Variants in HBS1L observed in about 807,000 individuals in gnomAD.
HBS1L encodes HBS1 like translational GTPase.
A neutral mutation model predicts 88.9 loss-of-function variants in HBS1L; 55 were observed. The observed-to-expected ratio is 0.62, with a 90% CI of 0.50 to 0.77. HBS1L has a LOEUF of 0.77. Ranked by LOEUF, HBS1L falls within the 30% of genes least tolerant of loss-of-function variation. The pLI, the probability that HBS1L is intolerant of heterozygous loss-of-function variation, is 0.00. For missense variants in HBS1L, 741 were observed against 829.3 expected (o/e 0.89, Z 1.31); for synonymous variants, 267 against 288.5 (o/e 0.93, Z 0.76).
chr6:134,968,781 T>C (rs1486316027), intron 16 of HBS1L, among the ~76,000 whole-genome samples: 1 of 148,906 alleles, frequency 6.7e-6, no homozygotes, highest in African/African-American at 2.5e-5. Flanking sequence ...ACTTTCCAGA[T>C]GGGAAAAGAG....
chr6:135,054,818 G>T lies in HBS1L; in HGVS notation c.-127C>A. The T allele has an allele frequency of 8.7e-7, 1 of 1,152,222 alleles. No homozygotes were observed. Among genetic ancestry groups the T allele is most frequent in the Non-Finnish European group, 1.2e-6 (1 of 802,010 alleles). The allele number at this position is 1,152,222 out of a possible 1,614,324, so 71.4% of individuals were successfully genotyped here. A position where few individuals can be genotyped will look rare whatever the true frequency, so the allele number is the denominator to read the frequency against. ...CCATCTTGGCTTCCCGCAGGCCTCT[G>T]CGCCGAGCGCCTGCGCAAGCGCGAC... On this transcript the variant is annotated 5_prime_UTR_variant, in exon 1 of 18. Coordinates refer to ENST00000367837, the MANE Select transcript of HBS1L (RefSeq NM_006620.4).
At chr6:134,990,881 G>A (rs903470677) in intron 8 of HBS1L, among the ~76,000 whole-genome samples, 1 of 152,066 alleles carries the variant, frequency 6.6e-6, no homozygotes, top group Non-Finnish European at 1.5e-5. Context: ...AATAACTGTG[G>A]ACTCTAAGGT....
chr6:135,015,739 G>A (rs192466793), intron 4 of HBS1L, among the ~76,000 whole-genome samples: 4 of 150,956 alleles, frequency 2.6e-5, no homozygotes, highest in East Asian at 3.9e-4. Context: ...ACGCCATCAC[G>A]CCCAGCTAAT....
intron 12 of HBS1L, chr6:134,982,981 A>G (rs1177083744): frequency 3.3e-5 from 5 of 152,698 alleles, no homozygotes; most frequent in Non-Finnish European, 7.3e-5. Flanking sequence ...AAGGTGCACC[A>G]AAGAATCCAT....
At chr6:135,035,150 C>T (rs952404265) in intron 4 of HBS1L, among the ~76,000 whole-genome samples, 2 of 152,188 alleles carry the variant, frequency 1.3e-5, no homozygotes, top group African/African-American at 4.8e-5. Context: ...CATTCCATTA[C>T]TTATTGTAAA....
intron 8 of HBS1L, among the ~76,000 whole-genome samples, chr6:134,993,145 C>T (rs9376079): frequency 0.14 from 21,581 of 152,122 alleles, 1,728 homozygotes; most frequent in East Asian, 0.27. Context: ...ATGTTACCAT[C>T]CAGATTTGTG....
chr6:135,017,111 C>T (rs1185753536), intron 4 of HBS1L, among the ~76,000 whole-genome samples: 3 of 152,226 alleles, frequency 2.0e-5, no homozygotes, highest in Non-Finnish European at 4.4e-5. Context: ...TAATCACCTA[C>T]ACCTAGTGTT....
intron 4 of HBS1L, among the ~76,000 whole-genome samples, chr6:135,004,522 G>C (rs1489829254): frequency 6.6e-6 from 1 of 152,116 alleles, no homozygotes; most frequent in African/African-American, 2.4e-5. Context: ...AGAGCAGAGG[G>C]GAGCTACATG....
Position 135,039,710 on chromosome 6 carries a change from T to A in HBS1L, c.293A>T (p.Asp98Val). Residue 98 changes from aspartate to valine, a missense_variant, in exon 4 of 18, where the codon GAT becomes GTT. Asp to Val is a radical substitution (Grantham distance 152). Transcript: ENST00000367837. ...CAGAACTGCTTCAATTAATATTTCA[T>A]CTGGCACAGCATCTCCAAGTACCTC... is the stretch of plus-strand genomic sequence containing the variant. ...MREVLGDAVP[D>V]EILIEAVLKN... 6.2e-7 allele frequency: 1 copy of A among 1,614,036 alleles called. No individual in the cohort carries two copies. Among genetic ancestry groups the A allele is most frequent in the Non-Finnish European group, 8.5e-7 (1 of 1,180,012 alleles).
intron 4 of HBS1L, among the ~76,000 whole-genome samples, chr6:135,035,439 T>TA (rs1244639903): frequency 3.4e-5 from 5 of 146,330 alleles, no homozygotes; most frequent in Admixed American, 2.1e-4. Context: ...GACTCCATCT[T>TA]AAAAAAAATA....
chr6:134,996,216 G>A (rs4895437), intron 7 of HBS1L, among the ~76,000 whole-genome samples: 47,699 of 151,926 alleles, frequency 0.31, 7,886 homozygotes, highest in Non-Finnish European at 0.37. Flanking sequence ...ACTATTCTTT[G>A]GCCAGACAGT....
At chr6:134,978,404 C>A (rs997484816) in intron 15 of HBS1L, among the ~76,000 whole-genome samples, 1 of 151,874 alleles carries the variant, frequency 6.6e-6, no homozygotes, top group Non-Finnish European at 1.5e-5. Flanking sequence ...ATGTGTCTAT[C>A]ATTTTTCCCT....
chr6:135,007,214 CA>C, intron 4 of HBS1L, among the ~76,000 whole-genome samples: 1 of 152,130 alleles, frequency 6.6e-6, no homozygotes, highest in Non-Finnish European at 1.5e-5. Context: ...ACATCAAACT[CA>C]CGATGTAACA....
In HBS1L at chr6:134,996,954, T is replaced by G; in HGVS notation, c.800-12A>C. On this transcript the variant is annotated splice_polypyrimidine_tract_variant and intron_variant, in intron 6 of 17. Transcript: ENST00000367837. ...AGCATCAACATGACCTAAAGAAAAT[T>G]GATTCAGGATTAATACCAGGTACAT... 1 of 1,559,450 alleles carries G rather than the reference T, an allele frequency of 6.4e-7. No homozygotes were observed. The highest frequency in any genetic ancestry group is 8.6e-7 in the Non-Finnish European group (1 of 1,156,532).
At chr6:135,054,612 C>G (rs980893456) in intron 1 of HBS1L, 37 bp downstream of exon 1, 19 of 1,607,638 alleles carry the variant, frequency 1.2e-5, no homozygotes, top group Non-Finnish European at 1.4e-5. Flanking sequence ...CAGCTGTAGC[C>G]GGGAAAAGAA....
At chr6:135,037,065 T>C (rs1776575902) in intron 4 of HBS1L, 3 of 1,551,752 alleles carry the variant, frequency 1.9e-6, no homozygotes, top group Non-Finnish European at 2.6e-6. Flanking sequence ...GAGAGTTGTC[T>C]ACATCAATTG....
At chr6:135,025,360 G>A (rs948739260) in intron 4 of HBS1L, among the ~76,000 whole-genome samples, 9 of 152,132 alleles carry the variant, frequency 5.9e-5, no homozygotes, top group Non-Finnish European at 8.8e-5. Flanking sequence ...ACCTCTGAAG[G>A]ACCCAACAAA....
intron 12 of HBS1L, among the ~76,000 whole-genome samples, chr6:134,984,141 A>G (rs1286679010): frequency 6.6e-6 from 1 of 152,190 alleles, no homozygotes; most frequent in Non-Finnish European, 1.5e-5. Flanking sequence ...TGTTAATCAA[A>G]GAAAAGTAAC....
chr6:135,054,677 C>G lies in HBS1L; in HGVS notation c.15G>C (p.Arg5=). The stretch of plus-strand genomic sequence containing the variant: ...CATCGTAGTTATAGCCTCGAACATT[C>G]CGATGCCGGGCCATGACGGCGGAGA... MARH[R]NVRGYNYDED... Residue 5 remains arginine, a synonymous_variant, in exon 1 of 18, where the codon CGG becomes CGC. Coordinates refer to ENST00000367837, the MANE Select transcript of HBS1L (RefSeq NM_006620.4). 6.2e-7 allele frequency: 1 copy of G among 1,614,258 alleles called. No homozygotes were observed. Among genetic ancestry groups the G allele is most frequent in the Non-Finnish European group, 8.5e-7 (1 of 1,180,048 alleles).
Sources: allele counts gnomAD v4.1 joint callset (sites outside exome capture counted in the v4.1 genomes callset), GRCh38; gene constraint gnomAD v4.1.1; transcripts MANE v1.5; gene names NCBI Gene and HGNC (gene_info 2026-07-23, HGNC 2026-07-21).